The following UCMA variants were observed in gnomAD, a reference collection of about 807,000 sequenced individuals.
UCMA encodes upper zone of growth plate and cartilage matrix-associated protein.
UCMA carries 21 observed loss-of-function variants against 21.8 expected under a neutral mutation model. The observed-to-expected ratio is 0.97, with a 90% confidence interval of 0.68 to 1.39. UCMA has a LOEUF of 1.39. Ranked by LOEUF, UCMA falls within the 40% of genes most tolerant of loss-of-function variation. UCMA has a pLI of 0.00. For synonymous variants in UCMA, 76 were observed against 67.9 expected (o/e 1.12, Z -0.58); for missense variants, 193 against 178.9 (o/e 1.08, Z -0.45).
chr10:13,232,458 G>A (rs1834911939), intron 3 of UCMA, among the ~76,000 whole-genome samples: 1 of 149,544 alleles, frequency 6.7e-6, no homozygotes, highest in South Asian at 2.1e-4. Flanking sequence ...TCTGCCAGAA[G>A]ATTGCTTCTC....
chr10:13,223,145 G>A (rs1425205390), intron 4 of UCMA, among the ~76,000 whole-genome samples: 1 of 150,740 alleles, frequency 6.6e-6, no homozygotes, highest in Non-Finnish European at 1.5e-5. Context: ...AGAATCACTT[G>A]AACCTGGGAG....
chr10:13,227,918 C>T (rs75460581), intron 4 of UCMA, among the ~76,000 whole-genome samples: 1,846 of 151,926 alleles, frequency 0.012, 38 homozygotes, highest in African/African-American at 0.042. Context: ...ATCCTCTACC[C>T]GTGTCCCCAG....
chr10:13,233,584 G>A lies in UCMA; in HGVS notation c.174C>T (p.Leu58=). ...FMQESDASNF[L]KRRGKRSPKS... ...TGGGGGACCGCTTGCCGCGCCTCTT[G>A]AGGAAATTCGAGGCATCTGATTCCT... Residue 58 remains leucine (L), a synonymous_variant, in exon 3 of 5, where the codon CTC becomes CTT. Transcript: ENST00000378681. The A allele has an allele frequency of 1.2e-6, 2 of 1,614,106 alleles. No individual in the cohort carries two copies. Among genetic ancestry groups the A allele is most frequent in the Non-Finnish European group, 1.7e-6 (2 of 1,180,022 alleles).
chr10:13,222,940 A>G (rs1834777107), intron 4 of UCMA, among the ~76,000 whole-genome samples: 1 of 151,756 alleles, frequency 6.6e-6, no homozygotes, highest in Non-Finnish European at 1.5e-5. Flanking sequence ...AAGTGCTGTG[A>G]TTGGCCAGGC....
chr10:13,222,484 T>C (rs957223892), intron 4 of UCMA, among the ~76,000 whole-genome samples: 33 of 152,130 alleles, frequency 2.2e-4, no homozygotes, highest in Non-Finnish European at 1.2e-4. Context: ...GGCAGAGGCT[T>C]ATGCAGCCCT....
Position 13,222,183 on chromosome 10 carries a change from G to C in UCMA, c.337C>G (p.Arg113Gly). ...EQNDEQEERS[R>G]EAVEQWRQWH... ...TGGCGCCACTGCTCCACAGCCTCCC[G>C]GCTCCTCTCTTCCTGCTCTGGGGAG... Residue 113 changes from arginine to glycine, a missense_variant, in exon 5 of 5, where the codon CGG becomes GGG. Coordinates refer to ENST00000378681, the MANE Select transcript of UCMA (RefSeq NM_145314.3). The C allele has an allele frequency of 6.2e-7, 1 of 1,613,862 alleles. No individual in the cohort carries two copies. The highest frequency in any genetic ancestry group is 8.5e-7 in the Non-Finnish European group (1 of 1,179,966).
At chr10:13,225,946 T>C (rs1432784894) in intron 4 of UCMA, among the ~76,000 whole-genome samples, 1 of 152,144 alleles carries the variant, frequency 6.6e-6, no homozygotes, top group East Asian at 1.9e-4. Flanking sequence ...ACCCCTGCCT[T>C]GATGGAGCTC....
intron 3 of UCMA, among the ~76,000 whole-genome samples, chr10:13,232,812 G>A (rs910388627): frequency 6.6e-6 from 1 of 152,196 alleles, no homozygotes; most frequent in South Asian, 2.1e-4. Context: ...GCAGGTTCAG[G>A]AGTAGAAACT....
chr10:13,227,743 T>TACACACACACACACACAC (rs55831241), intron 4 of UCMA, among the ~76,000 whole-genome samples: 127 of 110,682 alleles, frequency 1.1e-3, no homozygotes, highest in South Asian at 1.8e-3. Context: ...GGAAAGGAAA[T>TACACACACACACACACAC]ACACACACAC....
At chr10:13,226,133 C>T (rs919566499) in intron 4 of UCMA, among the ~76,000 whole-genome samples, 9 of 152,004 alleles carry the variant, frequency 5.9e-5, no homozygotes, top group Non-Finnish European at 2.9e-5. Context: ...GGGCTATCTA[C>T]TAGCCTCGTC....
intron 3 of UCMA, among the ~76,000 whole-genome samples, chr10:13,230,558 G>A (rs1834884832): frequency 6.6e-6 from 1 of 152,146 alleles, no homozygotes; most frequent in Non-Finnish European, 1.5e-5. Context: ...CACGCCTCAC[G>A]ATCTCACAGT....
chr10:13,234,017 T>TTTA (rs1235017127), intron 1 of UCMA, among the ~76,000 whole-genome samples, 184 bp downstream of exon 1: 1 of 151,910 alleles, frequency 6.6e-6, no homozygotes, highest in African/African-American at 2.4e-5. Context: ...TTTACTGTTT[T>TTTA]TTATTATTAT....
chr10:13,227,013 T>G (rs1453964980), intron 4 of UCMA, among the ~76,000 whole-genome samples: 1 of 152,168 alleles, frequency 6.6e-6, no homozygotes, highest in Non-Finnish European at 1.5e-5. Context: ...TCTCAACTTT[T>G]AAGTGCTTCT....
chr10:13,224,880 ATCCCATTAGGTACT>A (rs987848290), intron 4 of UCMA, among the ~76,000 whole-genome samples: 1 of 152,068 alleles, frequency 6.6e-6, no homozygotes, highest in Non-Finnish European at 1.5e-5. Flanking sequence ...GGTGCTGAAA[ATCCCATTAGGTACT>A]TGATAGCCCA....
At chr10:13,233,840 G>A (rs878946456) in intron 1 of UCMA, 40 bp from the exon 2 acceptor site, 1 of 1,611,434 alleles carries the variant, frequency 6.2e-7, no homozygotes, top group Non-Finnish European at 8.5e-7. Flanking sequence ...CAGCATCAGA[G>A]GGGAGCCCAG....
At chr10:13,231,139 T>C (rs1834893683) in intron 3 of UCMA, among the ~76,000 whole-genome samples, 1 of 152,170 alleles carries the variant, frequency 6.6e-6, no homozygotes, top group Non-Finnish European at 1.5e-5. Context: ...TACTAGTTAT[T>C]TCTGTTACTT....
chr10:13,229,513 G>GAAAAA, intron 4 of UCMA, 98 bp downstream of exon 4: 1 of 931,046 alleles, frequency 1.1e-6, no homozygotes, highest in Non-Finnish European at 1.6e-6. Context: ...CTCAAAAAAA[G>GAAAAA]AAAAAAAAAA....
intron 4 of UCMA, among the ~76,000 whole-genome samples, chr10:13,227,567 A>G (rs1327665303): frequency 2.6e-5 from 4 of 151,884 alleles, no homozygotes; most frequent in Non-Finnish European, 5.9e-5. Flanking sequence ...AAAATACAAA[A>G]ATTAGCTGGG....
At chr10:13,223,503 G>A (rs1039067388) in intron 4 of UCMA, among the ~76,000 whole-genome samples, 1 of 152,134 alleles carries the variant, frequency 6.6e-6, no homozygotes, top group African/African-American at 2.4e-5. Context: ...AAGCCCAGAC[G>A]CAAAAAGATG....
Sources: gnomAD v4.1 joint callset for allele counts (sites outside exome capture counted in the v4.1 genomes callset) on GRCh38, gnomAD v4.1.1 for gene constraint, MANE v1.5 for transcripts, NCBI Gene and HGNC (gene_info 2026-07-23, HGNC 2026-07-21) for gene names.